Variants in ALK observed in about 807,000 individuals in gnomAD.
The protein encoded by ALK is ALK tyrosine kinase receptor.
In ALK, 74 loss-of-function variants were observed where a neutral mutation model predicts 163.1. The observed-to-expected ratio is 0.45, with a 90% CI of 0.38 to 0.55. The LOEUF (loss-of-function observed/expected upper bound fraction) is 0.55, where lower values mean the gene tolerates loss of function less well. Among genes scored for constraint, ALK ranks in the 20% least tolerant of loss-of-function variants. ALK has a pLI of 0.00. For synonymous variants in ALK, 960 were observed against 843.2 expected, an observed-to-expected ratio of 1.14 and a Z score of -2.40; for missense variants, 2,063 against 2,105.3, an observed-to-expected ratio of 0.98 and a Z score of 0.39.
intron 2 of ALK, among the ~76,000 whole-genome samples, chr2:29,708,493 G>A (rs1573572842): frequency 6.6e-6 from 1 of 152,296 alleles, no homozygotes; most frequent in Middle Eastern, 3.4e-3. Context: ...AAGTGACTAT[G>A]AGGCAACTAG....
chr2:29,328,514 G>A (rs1438217429), intron 5 of ALK, 33 bp from the exon 6 acceptor site: 2 of 1,613,880 alleles, frequency 1.2e-6, no homozygotes, highest in East Asian at 4.5e-5. Context: ...ACCATGGTAA[G>A]TTTGCATGGC....
intron 4 of ALK, among the ~76,000 whole-genome samples, chr2:29,404,704 C>T (rs1669538162): frequency 6.6e-6 from 1 of 152,198 alleles, no homozygotes; most frequent in African/African-American, 2.4e-5. Flanking sequence ...GAGACAGTCT[C>T]TGCCCTGGAG....
intron 26 of ALK, among the ~76,000 whole-genome samples, chr2:29,202,262 C>A (rs552178785): frequency 6.6e-6 from 1 of 152,168 alleles, no homozygotes. Context: ...AAGTTACCTC[C>A]GGTAAGGAGC....
chr2:29,760,460 GTAAGTGCTTGA>G (rs1006512601), intron 1 of ALK, among the ~76,000 whole-genome samples: 3 of 152,198 alleles, frequency 2.0e-5, no homozygotes, highest in Admixed American at 6.5e-5. Context: ...CAGATACATA[GTAAGTGCTTGA>G]TAAGTGCAAA....
At chr2:29,200,514 C>G (rs932118497) in intron 26 of ALK, among the ~76,000 whole-genome samples, 10 of 151,656 alleles carry the variant, frequency 6.6e-5, no homozygotes, top group Admixed American at 6.6e-4. Flanking sequence ...TATGTATGCT[C>G]CAATATTTAT....
At chr2:29,247,921 A>G (rs1427625798) in intron 12 of ALK, among the ~76,000 whole-genome samples, 6 of 152,126 alleles carry the variant, frequency 3.9e-5, no homozygotes, top group Non-Finnish European at 7.3e-5. Context: ...GATGAACTGC[A>G]CTTATTAAAT....
At chr2:29,365,412 G>C (rs1668480292) in intron 5 of ALK, among the ~76,000 whole-genome samples, 1 of 152,208 alleles carries the variant, frequency 6.6e-6, no homozygotes, top group Admixed American at 6.5e-5. Flanking sequence ...GACAGGTTAT[G>C]GATCTGGTTG....
chr2:29,534,595 A>G (rs1354708473), intron 3 of ALK, among the ~76,000 whole-genome samples: 1 of 152,188 alleles, frequency 6.6e-6, no homozygotes, highest in African/African-American at 2.4e-5. Flanking sequence ...TTGAGTAGAA[A>G]CCAGGAGTTT....
chr2:29,247,447 A>C (rs768966649), intron 12 of ALK, among the ~76,000 whole-genome samples: 1 of 152,232 alleles, frequency 6.6e-6, no homozygotes, highest in Non-Finnish European at 1.5e-5. Context: ...AGTCCAGGGC[A>C]GGGAAGGCAG....
chr2:29,264,171 C>G (rs1665155540), intron 11 of ALK, among the ~76,000 whole-genome samples: 1 of 152,224 alleles, frequency 6.6e-6, no homozygotes, highest in South Asian at 2.1e-4. Context: ...CTCCCCTACT[C>G]CACCCACCCT....
chr2:29,205,612 G>A (rs1202306439), intron 26 of ALK, among the ~76,000 whole-genome samples: 4 of 152,214 alleles, frequency 2.6e-5, no homozygotes, highest in South Asian at 2.1e-4. Flanking sequence ...TGGTGGCTGC[G>A]GGACCTCCTT....
At chr2:29,668,591 C>T (rs1558433613) in intron 3 of ALK, among the ~76,000 whole-genome samples, 1 of 151,988 alleles carries the variant, frequency 6.6e-6, no homozygotes, top group Non-Finnish European at 1.5e-5. Context: ...AGTTTTATCC[C>T]ATTGTGGGCA....
chr2:29,342,883 T>A, intron 5 of ALK, among the ~76,000 whole-genome samples: 1 of 142,468 alleles, frequency 7.0e-6, no homozygotes, highest in Non-Finnish European at 1.5e-5. Context: ...TGATCTTTTT[T>A]TTTTTTTTTT....
At chr2:29,807,064 C>T (rs1314632786) in intron 1 of ALK, among the ~76,000 whole-genome samples, 2 of 152,236 alleles carry the variant, frequency 1.3e-5, no homozygotes, top group Admixed American at 6.5e-5. Context: ...GCAAGGATTA[C>T]AATCTGTGCA....
At chr2:29,865,560 A>G (rs1666412587) in intron 1 of ALK, among the ~76,000 whole-genome samples, 1 of 152,054 alleles carries the variant, frequency 6.6e-6, no homozygotes, top group Non-Finnish European at 1.5e-5. Context: ...CTCTCTCCCA[A>G]CACAACTCAG....
chr2:29,233,934 T>C (rs1357186433), intron 13 of ALK, among the ~76,000 whole-genome samples: 1 of 152,226 alleles, frequency 6.6e-6, no homozygotes, highest in African/African-American at 2.4e-5. Context: ...AGCAAGGTTT[T>C]ATTGCTGTGA....
chr2:29,388,520 C>T lies in ALK; in HGVS notation c.1155-4661G>A, dbSNP rs372367371. ...CACCATCCACCACCCTAAGCTACGA[C>T]CTTAGGCAAATGATTTAATTCCTCT... On this transcript the variant is annotated intron_variant, in intron 4 of 28. Transcript: ENST00000389048. Among the ~76,000 whole-genome samples, 17 of 152,324 alleles carry T rather than the reference C, an allele frequency of 1.1e-4. 1 individual carries two copies. Among genetic ancestry groups the T allele is most frequent in the East Asian group, 7.7e-4 (4 of 5,184 alleles).
chr2:29,768,709 A>ATGTTTATGTG (rs1167040416), intron 1 of ALK, among the ~76,000 whole-genome samples: 2 of 13,654 alleles, frequency 1.5e-4, no homozygotes, highest in South Asian at 4.4e-3. Context: ...TAAATTATAT[A>ATGTTTATGTG]TGTCTGTGTG....
chr2:29,726,158 G>A lies in ALK; in HGVS notation c.668-8461C>T, dbSNP rs72786227. Among the ~76,000 whole-genome samples the A allele has an allele frequency of 3.6e-3, 553 of 152,150 alleles. 1 individual carries two copies. The highest frequency in any genetic ancestry group is 7.2e-3 in the Admixed American group (110 of 15,280). On this transcript the variant is annotated intron_variant, in intron 1 of 28. Transcript: ENST00000389048. ...AGGTGGCCTGATTCTTAACACACCC[G>A]CACTCCCTACCCCCGTAAGACCTGA... is the stretch of plus-strand genomic sequence containing the variant.
Sources: gnomAD v4.1 joint callset for allele counts (sites outside exome capture counted in the v4.1 genomes callset) on GRCh38, gnomAD v4.1.1 for gene constraint, MANE v1.5 for transcripts, NCBI Gene and HGNC (gene_info 2026-07-23, HGNC 2026-07-21) for gene names.